The following PIKFYVE variants were observed in gnomAD, a reference collection of about 807,000 sequenced individuals.
PIKFYVE encodes phosphoinositide kinase, FYVE-type zinc finger containing.
In PIKFYVE, 122 loss-of-function variants were observed where a neutral mutation model predicts 257.9. The ratio of observed to expected loss-of-function variants is 0.47; its 90% CI spans 0.41 to 0.55. The LOEUF (loss-of-function observed/expected upper bound fraction) is 0.55. PIKFYVE is among the 20% of genes least tolerant of loss of function. The pLI is 0.00. For missense variants in PIKFYVE, 2,160 were observed against 2,536.6 expected, an observed-to-expected ratio of 0.85 and a Z score of 3.19; for synonymous variants, 892 against 868.9, an observed-to-expected ratio of 1.03 and a Z score of -0.47.
At chr2:208,349,292 C>T (rs1020143664) in intron 35 of PIKFYVE, among the ~76,000 whole-genome samples, 2 of 151,998 alleles carry the variant, frequency 1.3e-5, no homozygotes, top group Non-Finnish European at 2.9e-5. Context: ...ATAGATGCTT[C>T]AAAAATTATT....
Position 208,312,371 on chromosome 2 carries a change from A to G in PIKFYVE, c.1696+76A>G. On this transcript the variant is annotated intron_variant, in intron 13 of 41. Transcript: ENST00000264380. ...GATATACTTAGGGCTTAGCACATTGATTAGCACAGAGAAGGTGCTGAAAAT... is the reference window on the plus strand; with the variant it reads ...GATATACTTAGGGCTTAGCACATTGGTTAGCACAGAGAAGGTGCTGAAAAT... The G allele has an allele frequency of 3.5e-6, 4 of 1,140,344 alleles. No homozygotes were observed. The South Asian group carries it at 3.9e-5, about 11-fold the overall frequency. 70.6% of individuals were successfully genotyped at this position (1,140,344 alleles called of 1,614,324 possible).
At chr2:208,272,091 C>T (rs550357481) in intron 2 of PIKFYVE, among the ~76,000 whole-genome samples, 5 of 151,930 alleles carry the variant, frequency 3.3e-5, no homozygotes, top group East Asian at 3.9e-4. Flanking sequence ...AAAAATTAGC[C>T]GGGCATGGTG....
chr2:208,329,486 T>C (rs1339188194), intron 21 of PIKFYVE, among the ~76,000 whole-genome samples: 2 of 152,182 alleles, frequency 1.3e-5, no homozygotes, highest in Non-Finnish European at 2.9e-5. Flanking sequence ...AGTAAAGGCA[T>C]GGACAAGAGA....
At chr2:208,328,487 T>A (rs2125611653) in intron 21 of PIKFYVE, among the ~76,000 whole-genome samples, 1 of 152,288 alleles carries the variant, frequency 6.6e-6, no homozygotes, top group South Asian at 2.1e-4. Flanking sequence ...TGAGAGTATA[T>A]TAAGAGTGAA....
At chr2:208,268,448 C>CTTTTT (rs1688964947) in intron 1 of PIKFYVE, among the ~76,000 whole-genome samples, 1 of 117,714 alleles carries the variant, frequency 8.5e-6, no homozygotes, top group African/African-American at 3.2e-5. Context: ...TTTTTTTTCC[C>CTTTTT]TAAATAAAAT....
chr2:208,345,336 T>C, intron 33 of PIKFYVE, 142 bp downstream of exon 33: 2 of 739,308 alleles, frequency 2.7e-6, no homozygotes, highest in Non-Finnish European at 4.6e-6. Flanking sequence ...CAGCCAATAA[T>C]TGAGACAACA....
chr2:208,301,303 T>C (rs1447279785), intron 9 of PIKFYVE, among the ~76,000 whole-genome samples: 1 of 152,136 alleles, frequency 6.6e-6, no homozygotes, highest in African/African-American at 2.4e-5. Context: ...AGGAGCCAAA[T>C]AGGATCTTAA....
intron 1 of PIKFYVE, among the ~76,000 whole-genome samples, chr2:208,268,731 C>G (rs1262172248): frequency 6.6e-6 from 1 of 151,984 alleles, no homozygotes; most frequent in Non-Finnish European, 1.5e-5. Context: ...TAGAAACCTT[C>G]CTTCCCCTTC....
chr2:208,292,286 G>C (rs7566681), intron 7 of PIKFYVE, among the ~76,000 whole-genome samples: 57,987 of 151,892 alleles, frequency 0.38, 12,067 homozygotes, highest in Admixed American at 0.47. Context: ...GAATTAAACA[G>C]TCTATAAGAT....
intron 11 of PIKFYVE, 139 bp downstream of exon 11, chr2:208,304,457 T>A: frequency 8.6e-7 from 1 of 1,157,834 alleles, no homozygotes; most frequent in South Asian, 1.3e-5. Context: ...ATAGCAGTCT[T>A]TGTCTTAGAT....
intron 17 of PIKFYVE, among the ~76,000 whole-genome samples, chr2:208,323,562 A>C (rs528704086): frequency 6.6e-6 from 1 of 152,296 alleles, no homozygotes; most frequent in African/African-American, 2.4e-5. Context: ...ATAGTGCCGC[A>C]ATAAACATAC....
At chr2:208,266,836 C>A (rs191181445) in intron 1 of PIKFYVE, among the ~76,000 whole-genome samples, 2 of 152,186 alleles carry the variant, frequency 1.3e-5, no homozygotes, top group African/African-American at 2.4e-5. Flanking sequence ...CGATACCAAC[C>A]GTGGGGGTTC....
Position 208,352,723 on chromosome 2 carries a change from GAGA to G in PIKFYVE, c.5791_5793del (p.Lys1931del), listed in dbSNP as rs1333810405. The G allele has an allele frequency of 6.2e-7, 1 of 1,613,770 alleles. No homozygotes were observed. The highest frequency in any genetic ancestry group is 8.5e-7 in the Non-Finnish European group (1 of 1,179,818). On this transcript the variant is annotated inframe_deletion, in exon 39 of 42. Coordinates refer to ENST00000264380, the MANE Select transcript of PIKFYVE (RefSeq NM_015040.4). ...TTATAAGAACTCTCAGAACAACACT[GAGA>G]AGAAGTTAGATCTCCTTGTCATGGA... is the stretch of plus-strand genomic sequence containing the variant.
Position 208,325,798 on chromosome 2 carries a change from C to T in PIKFYVE, c.2987C>T (p.Pro996Leu). 1.9e-6 allele frequency: 3 copies of T among 1,614,032 alleles called. No homozygotes were observed. Among genetic ancestry groups the T allele is most frequent in the Non-Finnish European group, 2.5e-6 (3 of 1,179,998 alleles). The change falls in exon 20 of 42, where the codon CCA becomes CTA. Residue 996 changes from proline to leucine, a missense_variant. Coordinates refer to ENST00000264380, the MANE Select transcript of PIKFYVE (RefSeq NM_015040.4). ...DQQDALGSEQ[P>L]ETLQQTVVLQ... Reference sequence around the variant, plus strand: ...CAAGATGCTTTAGGCAGCGAGCAGCCAGAGACTTTGCAGCAAACAGTTGTG... The same window carrying T: ...CAAGATGCTTTAGGCAGCGAGCAGCTAGAGACTTTGCAGCAAACAGTTGTG...
In PIKFYVE at chr2:208,321,542, G is replaced by A. The variant is rs547637272; in HGVS notation, c.2190+1183G>A. ...AGTAGAGAACTCTAAAGAAATAAAG[G>A]GAAATACTTCTTTTTTCTTTTTCTT... On this transcript the variant is annotated intron_variant, in intron 17 of 41. Coordinates refer to ENST00000264380, the MANE Select transcript of PIKFYVE (RefSeq NM_015040.4). 6.0e-5 allele frequency among the ~76,000 whole-genome samples: 9 copies of A among 151,206 alleles called. No individual in the cohort carries two copies. The South Asian group carries it at 1.9e-3, about 32-fold the overall frequency.
Position 208,324,125 on chromosome 2 carries a change from T to G in PIKFYVE, c.2191-17T>G, listed in dbSNP as rs1574632784. ...TGCATTTTACCAGGTGTAATATTTC[T>G]GATTTATCTTACTTAGGAAAGGGAA... On this transcript the variant is annotated splice_polypyrimidine_tract_variant and intron_variant, in intron 17 of 41. Coordinates refer to ENST00000264380, the MANE Select transcript of PIKFYVE (RefSeq NM_015040.4). The G allele has an allele frequency of 6.2e-7, 1 of 1,610,920 alleles. No individual in the cohort carries two copies. Among genetic ancestry groups the G allele is most frequent in the Non-Finnish European group, 8.5e-7 (1 of 1,177,082 alleles).
chr2:208,277,715 G>A lies in PIKFYVE; in HGVS notation c.613+7G>A, dbSNP rs1574415446. On this transcript the variant is annotated splice_region_variant and intron_variant, in intron 5 of 41. Transcript: ENST00000264380. ...AAATTTATGGGCTATACAGGTAAAT[G>A]CATTTTATTGCCAGTTTACAATTTT... The A allele has an allele frequency of 1.9e-6, 3 of 1,612,734 alleles. No individual in the cohort carries two copies. Among genetic ancestry groups the A allele is most frequent in the Non-Finnish European group, 2.5e-6 (3 of 1,178,810 alleles).
At chr2:208,323,830 T>C (rs1696596418) in intron 17 of PIKFYVE, among the ~76,000 whole-genome samples, 1 of 152,332 alleles carries the variant, frequency 6.6e-6, no homozygotes, top group East Asian at 1.9e-4. Flanking sequence ...TATCTCATTG[T>C]GGTTTTGATT....
At chr2:208,291,930 G>A (rs184241018) in intron 7 of PIKFYVE, among the ~76,000 whole-genome samples, 55 of 152,100 alleles carry the variant, frequency 3.6e-4, no homozygotes, top group African/African-American at 1.2e-3. Flanking sequence ...TATGCGCTTC[G>A]TGCTATGAAT....
Sources: gnomAD v4.1 joint callset for allele counts (sites outside exome capture counted in the v4.1 genomes callset) on GRCh38, gnomAD v4.1.1 for gene constraint, MANE v1.5 for transcripts, NCBI Gene and HGNC (gene_info 2026-07-23, HGNC 2026-07-21) for gene names.